Variants in BTRC observed in about 807,000 individuals in gnomAD.
BTRC encodes the protein F-box/WD repeat-containing protein 1A.
BTRC carries 42 observed loss-of-function variants against 85.5 expected under a neutral mutation model. The observed-to-expected ratio is 0.49, with a 90% CI of 0.38 to 0.64. BTRC has a LOEUF of 0.64. Ranked by LOEUF, BTRC falls within the 30% of genes least tolerant of loss-of-function variation. The pLI is 0.00. For missense variants in BTRC, 594 were observed against 743.5 expected (o/e 0.80, Z 2.34); for synonymous variants, 255 against 263.3 (o/e 0.97, Z 0.30).
At chr10:101,421,878 A>G (rs955066045) in intron 1 of BTRC, among the ~76,000 whole-genome samples, 2 of 151,758 alleles carry the variant, frequency 1.3e-5, no homozygotes, top group African/African-American at 4.8e-5. Flanking sequence ...TCATTGTTGG[A>G]CATTTGGGTT....
Position 101,402,551 on chromosome 10 carries a change from T to C in BTRC, c.49-27794T>C, listed in dbSNP as rs140712259. 2.6e-5 allele frequency among the ~76,000 whole-genome samples: 4 copies of C among 152,312 alleles called. No individual in the cohort carries two copies. In the East Asian group the frequency reaches 5.8e-4, roughly 22 times the overall value. ...GATTCTCATCCCTTTAGTCCAAGTT[T>C]CGTGGAGAAAATAATTCCTATCTTA... On this transcript the variant is annotated intron_variant, in intron 1 of 14. Transcript: ENST00000370187.
intron 2 of BTRC, among the ~76,000 whole-genome samples, chr10:101,448,583 T>TA: frequency 6.6e-6 from 1 of 152,128 alleles, no homozygotes; most frequent in Non-Finnish European, 1.5e-5. Flanking sequence ...TCTGGCTACT[T>TA]AGAGACCCAT....
intron 4 of BTRC, among the ~76,000 whole-genome samples, chr10:101,498,733 G>C (rs1946327110): frequency 6.6e-6 from 1 of 152,136 alleles, no homozygotes; most frequent in South Asian, 2.1e-4. Context: ...GTTCACGCCT[G>C]TATTCCCAGC....
At chr10:101,486,707 G>T (rs1945999074) in intron 4 of BTRC, among the ~76,000 whole-genome samples, 1 of 152,102 alleles carries the variant, frequency 6.6e-6, no homozygotes, top group African/African-American at 2.4e-5. Context: ...TTATAAAATG[G>T]TCATACTCAA....
At chr10:101,452,480 T>TA (rs1256905641) in intron 2 of BTRC, among the ~76,000 whole-genome samples, 1 of 152,198 alleles carries the variant, frequency 6.6e-6, no homozygotes, top group Non-Finnish European at 1.5e-5. Context: ...TTTGGAAGCA[T>TA]AAAAAATAGT....
At chr10:101,501,439 G>T (rs1946398865) in intron 4 of BTRC, among the ~76,000 whole-genome samples, 1 of 152,194 alleles carries the variant, frequency 6.6e-6, no homozygotes. Context: ...TAGTGATTTA[G>T]ACTGGGCCTA....
intron 6 of BTRC, among the ~76,000 whole-genome samples, chr10:101,528,060 G>A (rs959954757): frequency 6.6e-6 from 1 of 152,130 alleles, no homozygotes; most frequent in Non-Finnish European, 1.5e-5. Context: ...GGGCAGCTGA[G>A]AAGATTTCTG....
chr10:101,460,107 A>G (rs1427981833), intron 2 of BTRC, among the ~76,000 whole-genome samples: 1 of 152,220 alleles, frequency 6.6e-6, no homozygotes, highest in Non-Finnish European at 1.5e-5. Flanking sequence ...TATTTAAAGG[A>G]GGAATTTCAT....
At chr10:101,469,435 A>G (rs1945464159) in intron 3 of BTRC, among the ~76,000 whole-genome samples, 1 of 152,190 alleles carries the variant, frequency 6.6e-6, no homozygotes, top group Non-Finnish European at 1.5e-5. Context: ...AGAGTTTCTG[A>G]ATCTATCTAA....
intron 4 of BTRC, among the ~76,000 whole-genome samples, chr10:101,514,080 A>C (rs538253817): frequency 1.3e-5 from 2 of 152,180 alleles, no homozygotes; most frequent in Non-Finnish European, 2.9e-5. Flanking sequence ...TTTTTTGTGA[A>C]GTATCTGTTC....
At chr10:101,435,885 A>G (rs1475179662) in intron 2 of BTRC, among the ~76,000 whole-genome samples, 1 of 150,810 alleles carries the variant, frequency 6.6e-6, no homozygotes, top group Admixed American at 6.6e-5. Context: ...TTTTTTGATC[A>G]TTGGATTCTT....
At chr10:101,406,641 C>T (rs546073113) in intron 1 of BTRC, among the ~76,000 whole-genome samples, 2 of 134,022 alleles carry the variant, frequency 1.5e-5, no homozygotes, top group East Asian at 4.8e-4. Context: ...TCAAGTGATT[C>T]TCCTGCCTCA....
In BTRC at chr10:101,354,215, C is replaced by T. The variant is rs1168568639; in HGVS notation, c.35C>T (p.Ala12Val). The T allele has an allele frequency of 1.3e-6, 2 of 1,549,228 alleles. No individual in the cohort carries two copies. The highest frequency in any genetic ancestry group is 1.2e-5 in the South Asian group (1 of 83,976). Residue 12 changes from alanine to valine, a missense_variant, in exon 1 of 15, where the codon GCA (alanine) becomes GTA (valine). This residue lies in a region of BTRC where 163 missense variants were observed against 180.5 expected (regional missense o/e 0.90). Coordinates refer to ENST00000370187, the MANE Select transcript of BTRC (RefSeq NM_033637.4). The part of the protein sequence containing the change: ...DPAEAVLQEK[A>V]LKFMCSMPRS... The stretch of plus-strand genomic sequence containing the variant: ...GCCGAGGCGGTGCTGCAAGAGAAGG[C>T]ACTCAAGTTTATGGTGAGGAGACGG...
chr10:101,550,170 T>A (rs929754204), intron 13 of BTRC, among the ~76,000 whole-genome samples: 3 of 152,252 alleles, frequency 2.0e-5, no homozygotes, highest in Non-Finnish European at 2.9e-5. Context: ...AATAGCATGC[T>A]ATTTAGCATG....
chr10:101,456,915 G>T (rs1260492498), intron 2 of BTRC, among the ~76,000 whole-genome samples: 1 of 152,154 alleles, frequency 6.6e-6, no homozygotes, highest in Non-Finnish European at 1.5e-5. Context: ...AAGTTGTGTA[G>T]AATCTTTTAC....
intron 4 of BTRC, among the ~76,000 whole-genome samples, chr10:101,509,935 A>G (rs1359973543): frequency 6.6e-6 from 1 of 151,588 alleles, no homozygotes; most frequent in African/African-American, 2.4e-5. Context: ...TGGGAGGCCA[A>G]GACAGGTGGA....
chr10:101,448,436 T>G (rs1024803836), intron 2 of BTRC, among the ~76,000 whole-genome samples: 1 of 152,128 alleles, frequency 6.6e-6, no homozygotes. Context: ...GTTTTGGTTT[T>G]ATTTTCATTT....
chr10:101,525,905 T>C, intron 5 of BTRC, 108 bp from the exon 6 acceptor site: 1 of 1,065,870 alleles, frequency 9.4e-7, no homozygotes, highest in Non-Finnish European at 1.3e-6. Context: ...GGGACAATGA[T>C]GTGCCTTCAT....
Position 101,366,869 on chromosome 10 carries a change from A to ATGTATATTT in BTRC, c.48+12641_48+12642insTGTATATTT, listed in dbSNP as rs1491560069. ...GTATATTAATATATATTTATATATT[A>ATGTATATTT]ATATATATTTATATATATTTATATA... is the stretch of plus-strand genomic sequence containing the variant. On this transcript the variant is annotated intron_variant, in intron 1 of 14. Coordinates refer to ENST00000370187, the MANE Select transcript of BTRC (RefSeq NM_033637.4). Among the ~76,000 whole-genome samples the ATGTATATTT allele has an allele frequency of 4.6e-3, 98 of 21,476 alleles. 11 individuals are homozygous for ATGTATATTT. The East Asian group carries it at 0.12, about 26-fold the overall frequency. The allele number at this position is 21,476 out of a possible 152,430, so 14.1% of individuals were successfully genotyped here. A position where few individuals can be genotyped will look rare whatever the true frequency, so the allele number is the denominator to read the frequency against.
Sources: gnomAD v4.1 joint callset for allele counts (sites outside exome capture counted in the v4.1 genomes callset) on GRCh38, gnomAD v4.1.1 for gene constraint, gnomAD v4.1.1 regional missense constraint, MANE v1.5 for transcripts, NCBI Gene and HGNC (gene_info 2026-07-23, HGNC 2026-07-21) for gene names.